Variants in TMEM132C observed in about 807,000 individuals in gnomAD.
The protein encoded by TMEM132C is protein phosphatase 1, regulatory subunit 152.
In TMEM132C, 29 loss-of-function variants were observed where a neutral mutation model predicts 61.4. That is an observed-to-expected ratio of 0.47 (90% confidence interval 0.35 to 0.64). The LOEUF (loss-of-function observed/expected upper bound fraction) is 0.64. TMEM132C is among the 30% of genes least tolerant of loss of function. The probability of loss-of-function intolerance (pLI) is 0.00; values close to 1 mark genes in which losing one functional copy is unlikely to be tolerated. For synonymous variants in TMEM132C, 656 were observed against 633.1 expected, an observed-to-expected ratio of 1.04 and a Z score of -0.54; for missense variants, 1,408 against 1,476.9, an observed-to-expected ratio of 0.95 and a Z score of 0.76.
chr12:128,578,877 C>T (rs926680032), intron 3 of TMEM132C, among the ~76,000 whole-genome samples: 18 of 151,962 alleles, frequency 1.2e-4, no homozygotes, highest in African/African-American at 3.9e-4. Flanking sequence ...GGATTAGAGG[C>T]GTGAGCCACC....
chr12:128,640,875 G>C (rs1355720017), intron 4 of TMEM132C, among the ~76,000 whole-genome samples: 1 of 152,186 alleles, frequency 6.6e-6, no homozygotes, highest in African/African-American at 2.4e-5. Context: ...GACAGAGCAA[G>C]AAGACCCTGT....
At chr12:128,291,331 C>T (rs1009627000) in intron 1 of TMEM132C, among the ~76,000 whole-genome samples, 1 of 152,214 alleles carries the variant, frequency 6.6e-6, no homozygotes, top group Admixed American at 6.5e-5. Flanking sequence ...TTTCTGTCCC[C>T]ACACGCTAGA....
At chr12:128,557,127 G>T (rs1874358817) in intron 3 of TMEM132C, among the ~76,000 whole-genome samples, 1 of 152,136 alleles carries the variant, frequency 6.6e-6, no homozygotes, top group Admixed American at 6.5e-5. Context: ...ACAAGGAAGA[G>T]ATTCCTAATT....
In TMEM132C at chr12:128,444,499, C is replaced by G. The variant is rs1869905514; in HGVS notation, c.974+28879C>G. The stretch of plus-strand genomic sequence containing the variant: ...TGTTTGCAGGCAGGGAGGGAGCAGA[C>G]TGGTAGTGAATTAAGCGCATTTTCA... On this transcript the variant is annotated intron_variant, in intron 2 of 8. Transcript: ENST00000435159. Among the ~76,000 whole-genome samples, 20 of 152,294 alleles carry G rather than the reference C, an allele frequency of 1.3e-4. No individual in the cohort carries two copies. The South Asian group carries it at 4.1e-3, about 32-fold the overall frequency.
At chr12:128,528,449 G>A (rs1391990146) in intron 2 of TMEM132C, among the ~76,000 whole-genome samples, 2 of 152,296 alleles carry the variant, frequency 1.3e-5, no homozygotes, top group African/African-American at 4.8e-5. Flanking sequence ...CAGCAGATGC[G>A]TGGACAGTGT....
intron 4 of TMEM132C, among the ~76,000 whole-genome samples, chr12:128,650,753 C>T (rs550758887): frequency 6.6e-6 from 1 of 152,218 alleles, no homozygotes; most frequent in African/African-American, 2.4e-5. Flanking sequence ...TCATTGCTGG[C>T]CCACATTCAT....
chr12:128,426,147 C>T (rs1053281526), intron 2 of TMEM132C, among the ~76,000 whole-genome samples: 2 of 152,316 alleles, frequency 1.3e-5, no homozygotes, highest in African/African-American at 2.4e-5. Flanking sequence ...TCTGGACCTT[C>T]GCCACGTGGA....
intron 4 of TMEM132C, among the ~76,000 whole-genome samples, chr12:128,644,532 A>C (rs1954181445): frequency 6.6e-6 from 1 of 152,256 alleles, no homozygotes; most frequent in Admixed American, 6.5e-5. Flanking sequence ...CATTTAGATG[A>C]ACTTTCTAAA....
intron 4 of TMEM132C, among the ~76,000 whole-genome samples, chr12:128,651,758 G>T (rs1005109427): frequency 1.2e-4 from 19 of 152,246 alleles, no homozygotes; most frequent in Non-Finnish European, 2.5e-4. Context: ...TGGATATCTG[G>T]GGCAACAGCA....
At chr12:128,394,466 A>G (rs1874874269) in intron 1 of TMEM132C, among the ~76,000 whole-genome samples, 1 of 152,168 alleles carries the variant, frequency 6.6e-6, no homozygotes, top group Admixed American at 6.5e-5. Flanking sequence ...TTTTAATAAC[A>G]TGGCTAGGCA....
chr12:128,623,585 T>C (rs1953987551), intron 4 of TMEM132C, among the ~76,000 whole-genome samples: 1 of 151,720 alleles, frequency 6.6e-6, no homozygotes, highest in African/African-American at 2.4e-5. Flanking sequence ...GGCAGGCGGA[T>C]TGCCTGAGCT....
At chr12:128,583,221 A>C (rs1244990556) in intron 3 of TMEM132C, among the ~76,000 whole-genome samples, 1 of 152,210 alleles carries the variant, frequency 6.6e-6, no homozygotes, top group African/African-American at 2.4e-5. Context: ...CATGCAATTC[A>C]TTAATAGGTA....
chr12:128,503,185 A>G (rs962922295), intron 2 of TMEM132C, among the ~76,000 whole-genome samples: 2 of 152,222 alleles, frequency 1.3e-5, no homozygotes, highest in Admixed American at 1.3e-4. Context: ...GTAGACTATC[A>G]TTGACCTCAA....
rs768068843 is a variant in TMEM132C, at chr12:128,706,012, G to A, written c.3044G>A (p.Gly1015Asp). The change falls in exon 9 of 9, where the codon GGT becomes GAT. Residue 1015 changes from glycine to aspartate, a missense_variant. Gly to Asp is a moderately conservative substitution (Grantham distance 94). Transcript: ENST00000435159. ...GAGAGCAACCATCTCCTGCTCAATG[G>A]TGGCTCCCACAAGCACGTGCAGAGC... ...CEESNHLLLN[G>D]GSHKHVQSQI... 3 of 1,551,610 alleles carry A rather than the reference G, an allele frequency of 1.9e-6. No homozygotes were observed. Among genetic ancestry groups the A allele is most frequent in the Admixed American group, 3.9e-5 (2 of 50,986 alleles).
chr12:128,704,768 CG>C (rs1954824799), intron 8 of TMEM132C, among the ~76,000 whole-genome samples: 1 of 152,146 alleles, frequency 6.6e-6, no homozygotes, highest in Admixed American at 6.5e-5. Flanking sequence ...GAACATGCAC[CG>C]GCTGACTGAT....
At chr12:128,616,027 C>A in intron 3 of TMEM132C, 125 bp from the exon 4 acceptor site, 1 of 1,211,196 alleles carries the variant, frequency 8.3e-7, no homozygotes, top group Non-Finnish European at 1.1e-6. Flanking sequence ...CAGGATCCCC[C>A]ACCAAAACCC....
intron 2 of TMEM132C, among the ~76,000 whole-genome samples, chr12:128,442,208 C>A (rs1869821468): frequency 6.6e-6 from 1 of 152,108 alleles, no homozygotes; most frequent in East Asian, 1.9e-4. Context: ...TTGCTCCCTC[C>A]CCTCCAGAAG....
Position 128,319,136 on chromosome 12 carries a change from G to A in TMEM132C, c.85+51649G>A, listed in dbSNP as rs186888736. 1.7e-3 allele frequency among the ~76,000 whole-genome samples: 258 copies of A among 152,276 alleles called. 1 individual carries two copies. The highest frequency in any genetic ancestry group is 9.8e-4 in the Admixed American group (15 of 15,300). ...TGCTTAGGATCTGGACTCTCTGCTC[G>A]TCTTTGTAGAGCAGGCCTCCTTTGT... is the stretch of plus-strand genomic sequence containing the variant. On this transcript the variant is annotated intron_variant, in intron 1 of 8. Coordinates refer to ENST00000435159, the MANE Select transcript of TMEM132C (RefSeq NM_001136103.3).
chr12:128,371,166 T>G (rs1283616582), intron 1 of TMEM132C, among the ~76,000 whole-genome samples: 1 of 152,160 alleles, frequency 6.6e-6, no homozygotes, highest in Non-Finnish European at 1.5e-5. Flanking sequence ...AAGGATTGTG[T>G]TCTCATGTGA....
Sources: gnomAD v4.1 joint callset for allele counts (sites outside exome capture counted in the v4.1 genomes callset) on GRCh38, gnomAD v4.1.1 for gene constraint, MANE v1.5 for transcripts, NCBI Gene and HGNC (gene_info 2026-07-23, HGNC 2026-07-21) for gene names.